DPP6: variants seen among roughly 807,000 people sequenced by gnomAD.
DPP6 encodes the protein dipeptidyl peptidase like 6.
DPP6 carries 69 observed loss-of-function variants against 122.6 expected under a neutral mutation model. That is an observed-to-expected ratio of 0.56 (90% confidence interval 0.46 to 0.69). The LOEUF is 0.69. Among genes scored for constraint, DPP6 ranks in the 30% least tolerant of loss-of-function variants. DPP6 has a pLI of 0.00. For missense variants in DPP6, 928 were observed against 1,116.9 expected, an observed-to-expected ratio of 0.83 and a Z score of 2.41; for synonymous variants, 418 against 433.1, an observed-to-expected ratio of 0.97 and a Z score of 0.43.
At chr7:153,932,261 T>C (rs1254301320) in intron 1 of DPP6, among the ~76,000 whole-genome samples, 2 of 151,932 alleles carry the variant, frequency 1.3e-5, no homozygotes, top group Admixed American at 6.6e-5. Flanking sequence ...GCTGGGATTA[T>C]AGGCATGTGC....
rs1246362879 is a variant in DPP6 at position 154,403,186 on chromosome 7, T to C, written c.244-43028T>C. Among the ~76,000 whole-genome samples, 1 of 152,234 alleles carries C rather than the reference T, an allele frequency of 6.6e-6. No individual in the cohort carries two copies. The highest frequency in any genetic ancestry group is 2.4e-5 in the African/African-American group (1 of 41,462). ...TGTCACCCACGTTAGTTCCCTGGAC[T>C]CAGCAGGTCGCCACCGTGAGGCCCC... On this transcript the variant is annotated intron_variant, in intron 1 of 25. Transcript: ENST00000377770. The surrounding 1 kb of genome is among the most constrained non-coding windows in gnomAD (Gnocchi z 4.1).
intron 16 of DPP6, among the ~76,000 whole-genome samples, chr7:154,847,473 T>C (rs1432014487): frequency 6.6e-6 from 1 of 152,198 alleles, no homozygotes; most frequent in Non-Finnish European, 1.5e-5. Flanking sequence ...TACTCAACAC[T>C]ACTTATTTAT....
chr7:153,855,217 A>G, the DPP6 span, among the ~76,000 whole-genome samples: 1 of 151,028 alleles, frequency 6.6e-6, no homozygotes, highest in Non-Finnish European at 1.5e-5. Flanking sequence ...GTGCACATGT[A>G]CCCTAAAACT....
chr7:154,186,712 C>T lies in DPP6; in HGVS notation c.243+133649C>T, dbSNP rs1475943233. On this transcript the variant is annotated intron_variant, in intron 1 of 25. Transcript: ENST00000377770. ...ATGATGAAGCAAATACTCAATACTC[C>T]AAAGAATTCCTTAATTATTTAGGAA... Among the ~76,000 whole-genome samples, 3 of 152,230 alleles carry T rather than the reference C, an allele frequency of 2.0e-5. No individual in the cohort carries two copies. The East Asian group carries it at 5.8e-4, about 29-fold the overall frequency.
chr7:154,597,846 A>G (rs1035056347), intron 5 of DPP6, among the ~76,000 whole-genome samples: 12 of 152,052 alleles, frequency 7.9e-5, no homozygotes, highest in Non-Finnish European at 1.3e-4. Context: ...AGGTGCACCA[A>G]TGCATCTCCA....
At chr7:154,658,867 T>A (rs1391858038) in intron 6 of DPP6, among the ~76,000 whole-genome samples, 1 of 152,174 alleles carries the variant, frequency 6.6e-6, no homozygotes, top group Non-Finnish European at 1.5e-5. Flanking sequence ...CATTTGTCAT[T>A]CCCAAAGGTC....
chr7:153,995,357 C>T (rs1423792693), intron 1 of DPP6, among the ~76,000 whole-genome samples: 2 of 152,040 alleles, frequency 1.3e-5, no homozygotes, highest in African/African-American at 2.4e-5. Context: ...GAGGCCGAGG[C>T]GGGTGGATCA....
At chr7:154,018,358 G>A (rs559751546) in intron 1 of DPP6, among the ~76,000 whole-genome samples, 1 of 152,214 alleles carries the variant, frequency 6.6e-6, no homozygotes, top group East Asian at 1.9e-4. Context: ...CAGGAGAAAG[G>A]CACTGAAAGG....
chr7:153,795,416 T>G, the DPP6 span, among the ~76,000 whole-genome samples: 5 of 152,158 alleles, frequency 3.3e-5, no homozygotes, highest in East Asian at 1.9e-4. Context: ...TATCTCAAAA[T>G]AAAGAAAGAA....
chr7:154,623,239 G>A (rs546190072), intron 5 of DPP6, among the ~76,000 whole-genome samples: 50 of 152,312 alleles, frequency 3.3e-4, no homozygotes, highest in Non-Finnish European at 6.0e-4. Flanking sequence ...GGTGTATGCT[G>A]TTGCCGGTGC....
At chr7:153,967,028 C>T (rs149208144) in intron 1 of DPP6, among the ~76,000 whole-genome samples, 4,162 of 144,400 alleles carry the variant, frequency 0.029, 293 homozygotes, top group African/African-American at 0.11. Context: ...GATGGTGCCA[C>T]AGCACTCCGG....
chr7:154,353,381 G>T (rs1300833703), intron 1 of DPP6, among the ~76,000 whole-genome samples: 3 of 152,128 alleles, frequency 2.0e-5, no homozygotes, highest in African/African-American at 7.2e-5. Context: ...GCCCAGTATA[G>T]CGAGAACCAG....
chr7:154,516,181 C>T (rs1826483432), intron 3 of DPP6, among the ~76,000 whole-genome samples: 1 of 152,110 alleles, frequency 6.6e-6, no homozygotes, highest in South Asian at 2.1e-4. Flanking sequence ...CAAAACTGCT[C>T]CATAGCCTGA....
intron 8 of DPP6, among the ~76,000 whole-genome samples, chr7:154,747,173 G>T (rs904330792): frequency 2.6e-5 from 4 of 152,188 alleles, no homozygotes; most frequent in Admixed American, 2.6e-4. Context: ...TAAGGGAAGA[G>T]TTCATCTCAC....
In DPP6 at chr7:153,987,728, T is replaced by C. The variant is rs189441937; in HGVS notation, c.51+99994T>C. ...GTGGGGTGCTGCAGCTGGGGAGGACTTTCTCCATCTGTTTCCCCTTGGTAC... is the reference window on the plus strand; with the variant it reads ...GTGGGGTGCTGCAGCTGGGGAGGACCTTCTCCATCTGTTTCCCCTTGGTAC... On this transcript the variant is annotated intron_variant, in intron 1 of 25. Transcript: ENST00000404039. Among the ~76,000 whole-genome samples the C allele has an allele frequency of 3.2e-3, 486 of 152,192 alleles. 1 individual carries two copies. The highest frequency in any genetic ancestry group is 0.011 in the African/African-American group (473 of 41,506).
At chr7:154,395,399 C>G (rs1814993180) in intron 1 of DPP6, among the ~76,000 whole-genome samples, 1 of 152,162 alleles carries the variant, frequency 6.6e-6, no homozygotes, top group Non-Finnish European at 1.5e-5. Flanking sequence ...GGATGTGTTT[C>G]CATTTAATTA....
intron 10 of DPP6, among the ~76,000 whole-genome samples, chr7:154,788,304 C>A (rs754101454): frequency 1.3e-5 from 2 of 151,902 alleles, no homozygotes; most frequent in Non-Finnish European, 2.9e-5. Context: ...ATAAGCCGGG[C>A]GTGGTGGCGC....
chr7:154,321,643 G>A (rs1209587743), intron 1 of DPP6, among the ~76,000 whole-genome samples: 3 of 151,648 alleles, frequency 2.0e-5, no homozygotes, highest in African/African-American at 7.3e-5. Context: ...AAATTAGCCG[G>A]GCATAGTGGC....
chr7:154,579,148 A>G (rs1831877874), intron 5 of DPP6, among the ~76,000 whole-genome samples: 3 of 152,174 alleles, frequency 2.0e-5, no homozygotes, highest in Admixed American at 6.5e-5. Context: ...CAGGAGTTCG[A>G]GACCAGCCTG....
Sources: allele counts gnomAD v4.1 joint callset (sites outside exome capture counted in the v4.1 genomes callset), GRCh38; gene constraint gnomAD v4.1.1; non-coding constraint Gnocchi (gnomAD v3.1); transcripts MANE v1.5; gene names NCBI Gene and HGNC (gene_info 2026-07-23, HGNC 2026-07-21).